The following PLCB2 variants were observed in gnomAD, a reference collection of about 807,000 sequenced individuals.
The protein encoded by PLCB2 is phospholipase C beta 2, also known as 1-phosphatidylinositol 4,5-bisphosphate phosphodiesterase beta-2.
A neutral mutation model predicts 141.7 loss-of-function variants in PLCB2; 115 were observed. The observed-to-expected ratio is 0.81, with a 90% confidence interval of 0.70 to 0.95. PLCB2 has a LOEUF of 0.95. Among genes scored for constraint, PLCB2 ranks in the 40% least tolerant of loss-of-function variants. The pLI is 0.00. For synonymous variants in PLCB2, 603 were observed against 595.6 expected, an observed-to-expected ratio of 1.01 and a Z score of -0.18; for missense variants, 1,403 against 1,541.1, an observed-to-expected ratio of 0.91 and a Z score of 1.50.
At chr15:40,284,528 C>G (rs1339183829), downstream of PLCB2, 1 of 455,400 alleles carries the variant, frequency 2.2e-6, no homozygotes, top group South Asian at 1.5e-5. Context: ...TGTGCGGGAT[C>G]TGGCTGCAAA....
chr15:40,298,695 A>G lies in PLCB2; in HGVS notation c.864T>C (p.Pro288=). 6.2e-7 allele frequency: 1 copy of G among 1,614,142 alleles called. No homozygotes were observed. Among genetic ancestry groups the G allele is most frequent in the Non-Finnish European group, 8.5e-7 (1 of 1,179,996 alleles). The part of the protein sequence containing the change: ...GINAQRGQLS[P]EGMVWFLCGP... Reference sequence around the variant, plus strand: ...CACAGAGAAACCAGACCATGCCTTCAGGTGACAGCTGGCCTGGGGGACAGG... The same window carrying G: ...CACAGAGAAACCAGACCATGCCTTCGGGTGACAGCTGGCCTGGGGGACAGG... The change falls in exon 10 of 32, where the codon CCT becomes CCC. Residue 288 remains proline (P), a synonymous_variant. Transcript: ENST00000260402.
Position 40,291,466 on chromosome 15 carries a change from T to A in PLCB2, c.2669A>T (p.Glu890Val). 3 of 1,567,532 alleles carry A rather than the reference T, an allele frequency of 1.9e-6. No individual in the cohort carries two copies. Among genetic ancestry groups the A allele is most frequent in the Non-Finnish European group, 2.6e-6 (3 of 1,161,952 alleles). The change falls in exon 26 of 32, where the codon GAG (glutamate) becomes GTG (valine). Residue 890 changes from glutamate to valine, a missense_variant. Transcript: ENST00000260402. ...CACGCCCTTTAGCTCCCGGAGCTCC[T>A]CCAGGCTGGCGGTCCGCGGCTCTGC... ...EAAEPRTASLEELRELKGVVK... is the reference protein window; with the variant it reads ...EAAEPRTASLVELRELKGVVK...
chr15:40,284,267 A>C (rs2039578214), downstream of PLCB2: 3 of 336,956 alleles, frequency 8.9e-6, no homozygotes, highest in Admixed American at 1.2e-4. Context: ...TATCAGCTGC[A>C]GAATTTACTG....
intron 7 of PLCB2, among the ~76,000 whole-genome samples, chr15:40,300,079 C>T (rs1045620991): frequency 1.3e-5 from 2 of 152,190 alleles, no homozygotes; most frequent in Non-Finnish European, 2.9e-5. Context: ...CTTTGGGAGG[C>T]CGAGGAGGGT....
rs369051152 is a variant in PLCB2 at position 40,291,612 on chromosome 15, C to G, written c.2641G>C (p.Ala881Pro). The change falls in exon 25 of 32, where the codon GCT becomes CCT. Residue 881 changes from alanine (A) to proline (P), a missense_variant. Transcript: ENST00000260402. ...CGGGCTCAGCAGGCCTTACCCGCAG[C>G]TTCTTTCATAGCCTCTTCCCTGGCC... Reference protein sequence around the residue: ...AGAREEAMKEAAEPRTASLEE... With the variant: ...AGAREEAMKEPAEPRTASLEE... 1 of 1,613,466 alleles carries G rather than the reference C, an allele frequency of 6.2e-7. No homozygotes were observed. Among genetic ancestry groups the G allele is most frequent in the South Asian group, 1.1e-5 (1 of 91,058 alleles).
At chr15:40,296,721 C>G in intron 14 of PLCB2, 25 bp downstream of exon 14, 1 of 1,610,416 alleles carries the variant, frequency 6.2e-7, no homozygotes, top group Admixed American at 1.7e-5. Context: ...CCTAATACCC[C>G]CCACCATAGT....
chr15:40,304,618 C>G (rs1227122991), intron 1 of PLCB2, among the ~76,000 whole-genome samples: 2 of 152,118 alleles, frequency 1.3e-5, no homozygotes, highest in African/African-American at 4.8e-5. Context: ...TTCTGAAAAC[C>G]CTTCCTGAAA....
At chr15:40,295,161 C>G (rs1444671015) in intron 17 of PLCB2, 40 bp downstream of exon 17, 4 of 1,610,080 alleles carry the variant, frequency 2.5e-6, no homozygotes, top group Admixed American at 3.3e-5. Flanking sequence ...TGGCTCCCCA[C>G]CCAAGCCAAG....
downstream of PLCB2, among the ~76,000 whole-genome samples, chr15:40,284,803 G>A (rs918938690): frequency 3.3e-5 from 4 of 119,870 alleles, no homozygotes; most frequent in East Asian, 8.8e-4. Context: ...TCACGCCACT[G>A]CACTCCAGCC....
chr15:40,293,361 T>C (rs1360025810), intron 20 of PLCB2, among the ~76,000 whole-genome samples, 199 bp downstream of exon 20: 1 of 151,500 alleles, frequency 6.6e-6, no homozygotes, highest in Non-Finnish European at 1.5e-5. Flanking sequence ...CTGCCTCTAA[T>C]CTTCACACAC....
In PLCB2 at chr15:40,304,028, G is replaced by A; in HGVS notation, c.135C>T (p.Tyr45=). The change falls in exon 2 of 32, where the codon TAC becomes TAT. Residue 45 remains tyrosine, a synonymous_variant. Coordinates refer to ENST00000260402, the MANE Select transcript of PLCB2 (RefSeq NM_004573.3). ...PVILRVDPKG[Y]YLYWTYQSKE... is the part of the protein sequence containing the mutation. ...TACTTTGATACGTCCAGTATAAGTAGTAGCCCTTAGGATCCACACGGAGGA... is the reference window on the plus strand; with the variant it reads ...TACTTTGATACGTCCAGTATAAGTAATAGCCCTTAGGATCCACACGGAGGA... The A allele has an allele frequency of 1.3e-6, 2 of 1,598,580 alleles. No homozygotes were observed. The highest frequency in any genetic ancestry group is 2.7e-5 in the African/African-American group (2 of 74,864).
In PLCB2 at chr15:40,288,863, T is replaced by G; in HGVS notation, c.3410A>C (p.Glu1137Ala). The part of the protein sequence containing the change: ...YEARMKGLEA[E>A]VKESVRACLR... ...GCAGGCCCTCACCGACTCCTTCACC[T>G]CTGCCTCCAGACCCTTCATCCTGGC... Residue 1137 changes from glutamate (E) to alanine (A), a missense_variant, in exon 32 of 32, where the codon GAG (glutamate) becomes GCG (alanine). Glu to Ala is a moderately radical substitution (Grantham distance 107). Transcript: ENST00000260402. 1 of 1,614,016 alleles carries G rather than the reference T, an allele frequency of 6.2e-7. No homozygotes were observed. Among genetic ancestry groups the G allele is most frequent in the South Asian group, 1.1e-5 (1 of 91,088 alleles).
At position 40,292,283 on chromosome 15, in the gene PLCB2, TGG is replaced by T. The variant is rs2039981138; in HGVS notation, c.2431+54_2431+55del. On this transcript the variant is annotated intron_variant, in intron 22 of 31. Coordinates refer to ENST00000260402, the MANE Select transcript of PLCB2 (RefSeq NM_004573.3). Reference sequence around the variant, plus strand: ...ACCCCAACTCTGGAAGCTGGCTTGATGGGAAGGAAGGGGGAACAGACACCCCG... The same window carrying T: ...ACCCCAACTCTGGAAGCTGGCTTGATGAAGGAAGGGGGAACAGACACCCCG... 6.6e-6 allele frequency: 10 copies of T among 1,516,316 alleles called. No individual in the cohort carries two copies. In the South Asian group the frequency reaches 1.1e-4, roughly 17 times the overall value. The allele number at this position is 1,516,316 out of a possible 1,614,324, so 93.9% of individuals were successfully genotyped here.
rs114336069 is a variant in PLCB2 at position 40,298,623 on chromosome 15, G to A, written c.936C>T (p.His312=). 8.1e-6 allele frequency: 13 copies of A among 1,614,088 alleles called. No homozygotes were observed. Among genetic ancestry groups the A allele is most frequent in the Middle Eastern group, 1.6e-4 (1 of 6,084 alleles). Residue 312 remains histidine, a synonymous_variant, in exon 10 of 32, where the codon CAC becomes CAT. Transcript: ENST00000260402. ...VLAQDKLLLH[H]DMTQPLNHYF... ...AATGATTGAGTGGCTGCGTCATGTCGTGGTGGAGCAGCAGCTTGTCCTGGG... is the reference window on the plus strand; with the variant it reads ...AATGATTGAGTGGCTGCGTCATGTCATGGTGGAGCAGCAGCTTGTCCTGGG...
intron 13 of PLCB2, 57 bp from the exon 14 acceptor site, chr15:40,296,965 C>A: frequency 6.4e-7 from 1 of 1,572,720 alleles, no homozygotes; most frequent in South Asian, 1.1e-5. Flanking sequence ...ATAGCCTGAG[C>A]TCCTTATTAC....
At chr15:40,304,339 C>A (rs776920294) in intron 1 of PLCB2, among the ~76,000 whole-genome samples, 5 of 152,118 alleles carry the variant, frequency 3.3e-5, no homozygotes, top group Admixed American at 6.6e-5. Context: ...TGGCCCCTAC[C>A]TCATCTCATA....
chr15:40,296,309 A>C lies in PLCB2; in HGVS notation c.1683T>G (p.Phe561Leu). 1 of 1,613,262 alleles carries C rather than the reference A, an allele frequency of 6.2e-7. No individual in the cohort carries two copies. The highest frequency in any genetic ancestry group is 1.7e-5 in the Admixed American group (1 of 59,932). Residue 561 changes from phenylalanine to leucine, a missense_variant, in exon 16 of 32, where the codon TTT becomes TTG. Transcript: ENST00000260402. ...ATGCTAACTTACGGGCAGAGAACTC[A>C]AAGGAGACGAACTTGGTGGGCTGGA... ...NYIQPTKFVSFEFSAQKNRSY... is the reference protein window; with the variant it reads ...NYIQPTKFVSLEFSAQKNRSY...
chr15:40,294,213 C>T (rs2040082240), intron 19 of PLCB2, 53 bp downstream of exon 19: 2 of 1,580,632 alleles, frequency 1.3e-6, no homozygotes, highest in Admixed American at 3.3e-5. Flanking sequence ...GCTCCTGTGC[C>T]CTTCTACTCA....
downstream of PLCB2, chr15:40,284,325 G>A (rs1566863923): frequency 3.0e-6 from 1 of 333,798 alleles, no homozygotes; most frequent in East Asian, 9.2e-5. Flanking sequence ...GGGTAAGAGA[G>A]AGACAGAATC....
Sources: allele counts gnomAD v4.1 joint callset (sites outside exome capture counted in the v4.1 genomes callset), GRCh38; gene constraint gnomAD v4.1.1; transcripts MANE v1.5; gene names NCBI Gene and HGNC (gene_info 2026-07-23, HGNC 2026-07-21).